The following RABGAP1L variants were observed in gnomAD, a reference collection of about 807,000 sequenced individuals.
RABGAP1L encodes the protein RAB GTPase activating protein 1 like.
RABGAP1L carries 63 observed loss-of-function variants against 137.7 expected under a neutral mutation model. That is an observed-to-expected ratio of 0.46 (90% confidence interval 0.37 to 0.56). RABGAP1L has a LOEUF of 0.56. RABGAP1L is among the 20% of genes least tolerant of loss of function. The probability of loss-of-function intolerance (pLI) is 0.00; values close to 1 mark genes in which losing one functional copy is unlikely to be tolerated. For synonymous variants in RABGAP1L, 431 were observed against 433.7 expected (o/e 0.99, Z 0.08); for missense variants, 1,095 against 1,244.0 (o/e 0.88, Z 1.80).
intron 7 of RABGAP1L, among the ~76,000 whole-genome samples, chr1:174,260,582 C>T (rs1673501074): frequency 6.6e-6 from 1 of 152,184 alleles, no homozygotes; most frequent in Non-Finnish European, 1.5e-5. Context: ...TACATGAGGT[C>T]AGGCTCTTCT....
At chr1:174,520,103 A>G (rs1390539030) in intron 13 of RABGAP1L, among the ~76,000 whole-genome samples, 2 of 152,216 alleles carry the variant, frequency 1.3e-5, no homozygotes, top group Non-Finnish European at 2.9e-5. Flanking sequence ...TACTATTTAT[A>G]GTTGTAGCCA....
At chr1:174,327,972 T>TAC (rs1558135945) in intron 11 of RABGAP1L, among the ~76,000 whole-genome samples, 1,241 of 18,880 alleles carry the variant, frequency 0.066, 113 homozygotes, top group African/African-American at 0.21. Context: ...TATATATATA[T>TAC]ATATATACAC....
At chr1:174,387,939 CATTT>C (rs1686934894) in intron 12 of RABGAP1L, among the ~76,000 whole-genome samples, 1 of 151,914 alleles carries the variant, frequency 6.6e-6, no homozygotes, top group Non-Finnish European at 1.5e-5. Flanking sequence ...AAAAGGGTAA[CATTT>C]GTGTAAACTA....
intron 8 of RABGAP1L, among the ~76,000 whole-genome samples, chr1:174,273,362 A>G (rs1217860145): frequency 6.6e-6 from 1 of 152,032 alleles, no homozygotes; most frequent in Non-Finnish European, 1.5e-5. Context: ...GGTTATGCAT[A>G]TGAGTAAAAT....
chr1:174,783,917 C>A (rs1687238116), intron 18 of RABGAP1L, among the ~76,000 whole-genome samples: 1 of 150,516 alleles, frequency 6.6e-6, no homozygotes, highest in African/African-American at 2.4e-5. Context: ...ACCATATTGG[C>A]CAGGATGGTC....
At chr1:174,252,789 A>G (rs1317414247) in intron 7 of RABGAP1L, among the ~76,000 whole-genome samples, 199 bp downstream of exon 7, 2 of 152,194 alleles carry the variant, frequency 1.3e-5, no homozygotes, top group Non-Finnish European at 2.9e-5. Context: ...TAAACATGAA[A>G]TGGTTTTAGT....
intron 13 of RABGAP1L, among the ~76,000 whole-genome samples, chr1:174,429,020 T>C (rs1232452395): frequency 6.6e-6 from 1 of 152,180 alleles, no homozygotes; most frequent in Non-Finnish European, 1.5e-5. Context: ...ATTACAGCTA[T>C]GTAAAATTAA....
chr1:174,333,887 A>C (rs138010730), intron 11 of RABGAP1L, among the ~76,000 whole-genome samples: 1 of 152,160 alleles, frequency 6.6e-6, no homozygotes, highest in Non-Finnish European at 1.5e-5. Flanking sequence ...CAGTCTTGCA[A>C]GTAGCATGAG....
intron 11 of RABGAP1L, among the ~76,000 whole-genome samples, chr1:174,330,067 G>T (rs1417699473): frequency 6.6e-6 from 1 of 152,096 alleles, no homozygotes; most frequent in African/African-American, 2.4e-5. Flanking sequence ...TTAAGCAAGA[G>T]AAAGAAATAA....
In RABGAP1L at chr1:174,230,938, T is replaced by C. The variant is rs575350014; in HGVS notation, c.332-207T>C. 2.6e-5 allele frequency among the ~76,000 whole-genome samples: 4 copies of C among 152,316 alleles called. No homozygotes were observed. In the East Asian group the frequency reaches 7.7e-4, roughly 29 times the overall value. On this transcript the variant is annotated intron_variant, in intron 3 of 25. Coordinates refer to ENST00000681986, the MANE Select transcript of RABGAP1L (RefSeq NM_001366446.1). ...GATTCAAAAGTATGAAATGGCTGGC[T>C]CTGGAACTCTGACATAAGATTTAGG...
chr1:174,478,197 T>G (rs1558267688), intron 13 of RABGAP1L, among the ~76,000 whole-genome samples: 1 of 152,092 alleles, frequency 6.6e-6, no homozygotes, highest in Non-Finnish European at 1.5e-5. Flanking sequence ...CCCACCTTAT[T>G]TCAAAGAAAT....
In RABGAP1L at chr1:174,833,466, A is replaced by ATATATATAT. The variant is rs71117580; in HGVS notation, c.2340+21508_2340+21509insTATATATTA. 3.5e-3 allele frequency among the ~76,000 whole-genome samples: 214 copies of ATATATATAT among 61,132 alleles called. 51 individuals carry two copies. The highest frequency in any genetic ancestry group is 0.014 in the Middle Eastern group (2 of 138). 40.1% of individuals were successfully genotyped at this position (61,132 alleles called of 152,430 possible). A position where few individuals can be genotyped will look rare whatever the true frequency, so the allele number is the denominator to read the frequency against. ...TGTGTAGAGATATATATATATATAT[A>ATATATATAT]TAGTAGAGACAGGGTTCTGTCATGT... On this transcript the variant is annotated intron_variant, in intron 19 of 25. Transcript: ENST00000681986.
At chr1:174,852,162 A>C (rs1014037677) in intron 19 of RABGAP1L, among the ~76,000 whole-genome samples, 4 of 152,202 alleles carry the variant, frequency 2.6e-5, no homozygotes, top group Non-Finnish European at 5.9e-5. Flanking sequence ...TACCTGAAAA[A>C]AGTAACTTTG....
At chr1:174,395,050 C>T (rs1447217811) in intron 13 of RABGAP1L, among the ~76,000 whole-genome samples, 8 of 151,438 alleles carry the variant, frequency 5.3e-5, no homozygotes, top group Non-Finnish European at 1.2e-4. Flanking sequence ...GTCCAAAGTT[C>T]CATTTGTATT....
intron 13 of RABGAP1L, among the ~76,000 whole-genome samples, chr1:174,397,196 A>G (rs956442309): frequency 5.9e-5 from 9 of 152,324 alleles, no homozygotes; most frequent in African/African-American, 1.2e-4. Flanking sequence ...AATAAAATAT[A>G]TGGAAGATAC....
At chr1:174,561,777 G>A (rs911958866) in intron 13 of RABGAP1L, among the ~76,000 whole-genome samples, 2 of 152,156 alleles carry the variant, frequency 1.3e-5, no homozygotes, top group Non-Finnish European at 2.9e-5. Context: ...TTTAATAAAT[G>A]GTGTTGGGAA....
At chr1:174,555,552 A>G (rs1217376480) in intron 13 of RABGAP1L, among the ~76,000 whole-genome samples, 1 of 152,036 alleles carries the variant, frequency 6.6e-6, no homozygotes, top group Non-Finnish European at 1.5e-5. Flanking sequence ...AAAAAAATGT[A>G]TGTTCCCTTT....
At chr1:174,280,932 G>A (rs907065593) in intron 10 of RABGAP1L, among the ~76,000 whole-genome samples, 6 of 152,034 alleles carry the variant, frequency 3.9e-5, no homozygotes, top group African/African-American at 1.4e-4. Context: ...CTTCCTTCTG[G>A]TGGGTTAATG....
rs869251284 is a variant in RABGAP1L, at chr1:174,878,925, G to GTTTTTTT, written c.2340+66984_2340+66990dup. Among the ~76,000 whole-genome samples the GTTTTTTT allele has an allele frequency of 2.6e-3, 219 of 85,146 alleles. 2 individuals carry two copies. The highest frequency in any genetic ancestry group is 4.8e-3 in the African/African-American group (89 of 18,620). 55.9% of individuals were successfully genotyped at this position (85,146 alleles called of 152,430 possible). On this transcript the variant is annotated intron_variant, in intron 19 of 25. Transcript: ENST00000681986. Reference sequence around the variant, plus strand: ...AGAATTATGTAATTTTTTGTGCATTGTTTTTTTTTTTTTTTTTTTTTTTTT... The same window carrying GTTTTTTT: ...AGAATTATGTAATTTTTTGTGCATTGTTTTTTTTTTTTTTTTTTTTTTTTTTTTTTTT...
Sources: allele counts gnomAD v4.1 joint callset (sites outside exome capture counted in the v4.1 genomes callset), GRCh38; gene constraint gnomAD v4.1.1; transcripts MANE v1.5; gene names NCBI Gene and HGNC (gene_info 2026-07-23, HGNC 2026-07-21).